CGNL1: variants seen among roughly 807,000 people sequenced by gnomAD.
CGNL1 encodes the protein cingulin-like protein 1.
A neutral mutation model predicts 141.2 loss-of-function variants in CGNL1; 132 were observed. The observed-to-expected ratio is 0.93, with a 90% confidence interval of 0.81 to 1.08. CGNL1 has a LOEUF of 1.08. CGNL1 is among the 50% of genes least tolerant of loss of function. The pLI is 0.00. For synonymous variants in CGNL1, 690 were observed against 622.1 expected, an observed-to-expected ratio of 1.11 and a Z score of -1.63; for missense variants, 1,870 against 1,588.6, an observed-to-expected ratio of 1.18 and a Z score of -3.01.
At chr15:57,501,139 T>A (rs1393310242) in intron 8 of CGNL1, among the ~76,000 whole-genome samples, 2 of 152,166 alleles carry the variant, frequency 1.3e-5, no homozygotes, top group Non-Finnish European at 2.9e-5. Flanking sequence ...GGTGCTGGGC[T>A]GGGCACAGAG....
intron 4 of CGNL1, among the ~76,000 whole-genome samples, chr15:57,446,011 A>G (rs373582404): frequency 6.6e-6 from 1 of 152,146 alleles, no homozygotes; most frequent in East Asian, 1.9e-4. Flanking sequence ...ACATACACTT[A>G]TTTACTACTT....
intron 8 of CGNL1, among the ~76,000 whole-genome samples, chr15:57,500,919 A>G (rs547539013): frequency 6.6e-6 from 1 of 152,334 alleles, no homozygotes; most frequent in South Asian, 2.1e-4. Context: ...AATTGAGGCT[A>G]GGTTCTCAGG....
chr15:57,509,478 G>A (rs2030034591), intron 8 of CGNL1, among the ~76,000 whole-genome samples: 2 of 152,228 alleles, frequency 1.3e-5, no homozygotes, highest in Admixed American at 6.5e-5. Flanking sequence ...TCCATCAGGA[G>A]CGAGCCTGTC....
intron 7 of CGNL1, 44 bp from the exon 8 acceptor site, chr15:57,461,636 G>T (rs1194390350): frequency 2.6e-6 from 4 of 1,545,248 alleles, no homozygotes; most frequent in Non-Finnish European, 2.7e-6. Context: ...CTCTCAACAA[G>T]ATGTTTCATT....
intron 7 of CGNL1, among the ~76,000 whole-genome samples, chr15:57,455,141 C>T (rs1454443755): frequency 6.6e-6 from 1 of 152,088 alleles, no homozygotes; most frequent in African/African-American, 2.4e-5. Flanking sequence ...AGAAGATAAA[C>T]CACAATATAT....
chr15:57,466,259 G>T (rs907108377), intron 8 of CGNL1, among the ~76,000 whole-genome samples: 1 of 152,132 alleles, frequency 6.6e-6, no homozygotes, highest in African/African-American at 2.4e-5. Context: ...AAAAGGAAAT[G>T]TCTTCTTCTT....
At chr15:57,516,049 C>G (rs2030755163) in intron 8 of CGNL1, among the ~76,000 whole-genome samples, 1 of 150,666 alleles carries the variant, frequency 6.6e-6, no homozygotes, top group South Asian at 2.1e-4. Flanking sequence ...GTCCCAGCTA[C>G]TCGGGAGGCT....
In CGNL1 at chr15:57,532,961, A is replaced by G. The variant is rs1192378606; in HGVS notation, c.3291+1182A>G. ...CCTCTGGTCTCTTCTGCTTATTCAC[A>G]TGGACTTCCCTTTCCTCGGTTCAGG... is the stretch of plus-strand genomic sequence containing the variant. On this transcript the variant is annotated intron_variant, in intron 14 of 18. Transcript: ENST00000281282. Among the ~76,000 whole-genome samples, 3 of 152,150 alleles carry G rather than the reference A, an allele frequency of 2.0e-5. No homozygotes were observed. In the East Asian group the frequency reaches 5.8e-4, roughly 29 times the overall value.
chr15:57,505,186 G>A (rs971492545), intron 8 of CGNL1, among the ~76,000 whole-genome samples: 1 of 152,192 alleles, frequency 6.6e-6, no homozygotes, highest in Non-Finnish European at 1.5e-5. Flanking sequence ...TGTGATTTAT[G>A]CTCTGTAACT....
intron 14 of CGNL1, among the ~76,000 whole-genome samples, chr15:57,540,615 G>A (rs1226719532): frequency 6.6e-6 from 1 of 152,102 alleles, no homozygotes; most frequent in Admixed American, 6.5e-5. Context: ...TTAGGTTTCA[G>A]CTTACTGTCT....
chr15:57,400,578 T>C (rs1399421400), intron 1 of CGNL1, among the ~76,000 whole-genome samples: 1 of 152,136 alleles, frequency 6.6e-6, no homozygotes, highest in Non-Finnish European at 1.5e-5. Context: ...TTTTCTTTCT[T>C]ATTGTAAAAA....
chr15:57,384,717 C>T (rs1400887371), intron 1 of CGNL1, among the ~76,000 whole-genome samples: 4 of 152,080 alleles, frequency 2.6e-5, no homozygotes, highest in Admixed American at 6.6e-5. Flanking sequence ...TTCAAACAAA[C>T]CTTTAAAGAG....
At chr15:57,484,698 A>G (rs1220785645) in intron 8 of CGNL1, among the ~76,000 whole-genome samples, 2 of 152,038 alleles carry the variant, frequency 1.3e-5, no homozygotes, top group Non-Finnish European at 2.9e-5. Context: ...TATTTCTTCT[A>G]ATGAGCTTCC....
intron 2 of CGNL1, 30 bp from the exon 3 acceptor site, chr15:57,440,347 C>T (rs376572050): frequency 6.5e-7 from 1 of 1,537,474 alleles, no homozygotes; most frequent in Non-Finnish European, 8.9e-7. Flanking sequence ...ACTTCATCCT[C>T]ATGGTCTAAC....
intron 1 of CGNL1, among the ~76,000 whole-genome samples, chr15:57,436,342 G>A (rs1254791385): frequency 2.6e-5 from 4 of 152,178 alleles, no homozygotes; most frequent in Admixed American, 2.6e-4. Context: ...TATTTAAAAA[G>A]AAGGTTGAGT....
At chr15:57,494,159 T>C (rs1450349611) in intron 8 of CGNL1, among the ~76,000 whole-genome samples, 3 of 152,258 alleles carry the variant, frequency 2.0e-5, no homozygotes, top group African/African-American at 7.2e-5. Flanking sequence ...TATATGCCTG[T>C]GTTCTTGCCA....
chr15:57,543,798 T>A lies in CGNL1; in HGVS notation c.3375+19T>A. 1.3e-6 allele frequency: 2 copies of A among 1,590,184 alleles called. No homozygotes were observed. The highest frequency in any genetic ancestry group is 1.7e-6 in the Non-Finnish European group (2 of 1,158,542). On this transcript the variant is annotated intron_variant, in intron 15 of 18. Coordinates refer to ENST00000281282, the MANE Select transcript of CGNL1 (RefSeq NM_032866.5). ...GAGGCAGGTGAGGGCAGCCAGCCTG[T>A]GAGCTGCCCCCCCGTCCATCCGCTA...
At chr15:57,477,009 C>G (rs1944740567) in intron 8 of CGNL1, among the ~76,000 whole-genome samples, 1 of 152,140 alleles carries the variant, frequency 6.6e-6, no homozygotes, top group Non-Finnish European at 1.5e-5. Context: ...CACTTCCCTT[C>G]TTTTTCTTTC....
intron 4 of CGNL1, among the ~76,000 whole-genome samples, chr15:57,447,675 G>T (rs1679857337): frequency 6.6e-6 from 1 of 152,002 alleles, no homozygotes; most frequent in Non-Finnish European, 1.5e-5. Context: ...AAAATTCTTG[G>T]CTATTATTTA....
Sources: gnomAD v4.1 joint callset for allele counts (sites outside exome capture counted in the v4.1 genomes callset) on GRCh38, gnomAD v4.1.1 for gene constraint, MANE v1.5 for transcripts, NCBI Gene and HGNC (gene_info 2026-07-23, HGNC 2026-07-21) for gene names.